Variants in ARPC4 observed in about 807,000 individuals in gnomAD.
ARPC4 encodes actin related protein 2/3 complex subunit 4, also known as actin-related protein 2/3 complex subunit 4.
ARPC4 carries 3 observed loss-of-function variants against 22.8 expected under a neutral mutation model. That is an observed-to-expected ratio of 0.13 (90% CI 0.06 to 0.34). ARPC4 has a LOEUF of 0.34. Among genes scored for constraint, ARPC4 ranks in the 10% least tolerant of loss-of-function variants. The pLI is 1.00. For synonymous variants in ARPC4, 80 were observed against 72.5 expected (o/e 1.10, Z -0.52); for missense variants, 98 against 211.0 (o/e 0.46, Z 3.32).
rs761763539 is a variant in ARPC4 at position 9,801,764 on chromosome 3, C to A, written c.330+8C>A. On this transcript the variant is annotated splice_region_variant and intron_variant, in intron 4 of 5. Transcript: ENST00000397261. ...CGAAGGAAGCCTGTGGAGGTGAGACCCTGTGACCCATGAGTTTGCGATACC... is the reference window on the plus strand; with the variant it reads ...CGAAGGAAGCCTGTGGAGGTGAGACACTGTGACCCATGAGTTTGCGATACC... The A allele has an allele frequency of 1.3e-6, 2 of 1,592,088 alleles. No homozygotes were observed. The highest frequency in any genetic ancestry group is 1.7e-6 in the Non-Finnish European group (2 of 1,166,146).
intron 3 of ARPC4, among the ~76,000 whole-genome samples, chr3:9,801,449 C>G (rs1216825406): frequency 6.6e-6 from 1 of 152,102 alleles, no homozygotes; most frequent in Non-Finnish European, 1.5e-5. Flanking sequence ...TCAGAATTAC[C>G]TCTCTGGAAT....
intron 4 of ARPC4, 58 bp downstream of exon 4, chr3:9,801,814 G>A: frequency 6.7e-7 from 1 of 1,494,496 alleles, no homozygotes. Context: ...AGAATGGCCT[G>A]GGATTGTTTC....
At position 9,800,436 on chromosome 3, in the gene ARPC4, T is replaced by C. The variant is rs1575328762; in HGVS notation, c.234+140T>C. On this transcript the variant is annotated intron_variant, in intron 3 of 5. Coordinates refer to ENST00000397261, the MANE Select transcript of ARPC4 (RefSeq NM_005718.5). ...AGGAAACCTAGCCTCTGCTTCCTTT[T>C]TTTTTGACACGGATTCTCACTCTTG... 4 of 755,784 alleles carry C rather than the reference T, an allele frequency of 5.3e-6. No individual in the cohort carries two copies. The East Asian group carries it at 1.1e-4, about 21-fold the overall frequency. The allele number at this position is 755,784 out of a possible 1,614,324, so 46.8% of individuals were successfully genotyped here. A position where few individuals can be genotyped will look rare whatever the true frequency, so the allele number is the denominator to read the frequency against.
intron 1 of ARPC4, among the ~76,000 whole-genome samples, chr3:9,796,484 G>A (rs1292708701): frequency 2.0e-5 from 3 of 152,160 alleles, no homozygotes; most frequent in African/African-American, 7.2e-5. Context: ...CTCTCAAGAG[G>A]CCTTCCTTAA....
upstream of ARPC4, chr3:9,792,615 AGCCCCGGGGCACAGCCCGG>A: frequency 1.6e-6 from 2 of 1,230,692 alleles, no homozygotes; most frequent in Non-Finnish European, 2.0e-6. Context: ...GCCTCAGGCG[AGCCCCGGGGCACAGCCCGG>A]GGCGGGAGGC....
At chr3:9,795,931 A>G (rs563570576) in intron 1 of ARPC4, among the ~76,000 whole-genome samples, 10 of 152,248 alleles carry the variant, frequency 6.6e-5, no homozygotes, top group Admixed American at 2.6e-4. Context: ...CCCCATCTCT[A>G]CTAAAAATAC....
At chr3:9,794,108 T>TC (rs2078823756) in intron 1 of ARPC4, among the ~76,000 whole-genome samples, 1 of 152,182 alleles carries the variant, frequency 6.6e-6, no homozygotes. Context: ...TTTTAAAAGT[T>TC]CAAGTTTATT....
intron 1 of ARPC4, among the ~76,000 whole-genome samples, chr3:9,796,381 C>T (rs976342714): frequency 1.7e-4 from 26 of 152,170 alleles, no homozygotes; most frequent in Middle Eastern, 3.4e-3. Flanking sequence ...GTGACAGAAG[C>T]GAGACTCCCT....
intron 4 of ARPC4, among the ~76,000 whole-genome samples, chr3:9,802,776 T>G (rs2079039590): frequency 6.7e-6 from 1 of 149,568 alleles, no homozygotes; most frequent in Admixed American, 6.7e-5. Context: ...CCAGGTCAAG[T>G]GATTCTCCTG....
chr3:9,802,236 T>TCCTGCCTCAG (rs1559729245), intron 4 of ARPC4, among the ~76,000 whole-genome samples: 1 of 22,578 alleles, frequency 4.4e-5, no homozygotes, highest in East Asian at 8.9e-4. Context: ...AGACTCCGTC[T>TCCTGCCTCAG]CAAAAAAAAA....
upstream of ARPC4, chr3:9,792,677 T>C (rs542532291): frequency 3.2e-6 from 4 of 1,233,066 alleles, no homozygotes; most frequent in South Asian, 1.6e-4. Flanking sequence ...CGCGCTGCAG[T>C]TAGCCCCGCC....
Position 9,806,454 on chromosome 3 carries a change from A to G in ARPC4, c.*239A>G. The G allele has an allele frequency of 1.7e-6, 1 of 583,468 alleles. No individual in the cohort carries two copies. Among genetic ancestry groups the G allele is most frequent in the Non-Finnish European group, 3.1e-6 (1 of 326,176 alleles). The allele number at this position is 583,468 out of a possible 1,614,324, so 36.1% of individuals were successfully genotyped here. On this transcript the variant is annotated 3_prime_UTR_variant, in exon 6 of 6. Transcript: ENST00000397261. Reference sequence around the variant, plus strand: ...GATGTTCAGTCCCCTGGGCCGGGACAGATTTTTTTTAACGTCTTGAAACTT... The same window carrying G: ...GATGTTCAGTCCCCTGGGCCGGGACGGATTTTTTTTAACGTCTTGAAACTT...
chr3:9,806,355 G>T lies in ARPC4; in HGVS notation c.*140G>T. On this transcript the variant is annotated 3_prime_UTR_variant, in exon 6 of 6. Transcript: ENST00000397261. ...GCATTTGATGCGGGAGGTGGGTGGT[G>T]TGCTTGCTAGCTGGGCAAGAAAGCA... 1 of 971,110 alleles carries T rather than the reference G, an allele frequency of 1.0e-6. No individual in the cohort carries two copies. Among genetic ancestry groups the T allele is most frequent in the Non-Finnish European group, 1.7e-6 (1 of 603,136 alleles). The allele number at this position is 971,110 out of a possible 1,614,324, so 60.2% of individuals were successfully genotyped here. A position where few individuals can be genotyped will look rare whatever the true frequency, so the allele number is the denominator to read the frequency against.
rs185187381 is a variant in ARPC4 at position 9,797,593 on chromosome 3, T to A, written c.4-66T>A. The A allele has an allele frequency of 6.2e-5, 97 of 1,553,732 alleles. No homozygotes were observed. In the East Asian group the frequency reaches 2.1e-3, roughly 34 times the overall value. Reference sequence around the variant, plus strand: ...CTACCTGGCTTCATGGGAGCTGGAATAGGGGATCGGTGGGTTTGGCGTGAC... The same window carrying A: ...CTACCTGGCTTCATGGGAGCTGGAAAAGGGGATCGGTGGGTTTGGCGTGAC... On this transcript the variant is annotated intron_variant, in intron 1 of 5. Transcript: ENST00000397261.
chr3:9,803,187 G>A (rs2079049017), intron 4 of ARPC4, among the ~76,000 whole-genome samples: 1 of 152,128 alleles, frequency 6.6e-6, no homozygotes, highest in Admixed American at 6.6e-5. Context: ...CCGGCCCACT[G>A]AATCAGTCTC....
In ARPC4 at chr3:9,797,652, C is replaced by A. The variant is rs41278551; in HGVS notation, c.4-7C>A. 2.5e-3 allele frequency: 4,092 copies of A among 1,612,866 alleles called. 12 individuals carry two copies. Among genetic ancestry groups the A allele is most frequent in the Non-Finnish European group, 2.7e-3 (3,137 of 1,179,194 alleles). The stretch of plus-strand genomic sequence containing the variant: ...ATCTTCCCTTTCCTCTGTGTTATTT[C>A]CTATAGACTGCCACTCTCCGCCCCT... On this transcript the variant is annotated splice_polypyrimidine_tract_variant and splice_region_variant and intron_variant, in intron 1 of 5. Coordinates refer to ENST00000397261, the MANE Select transcript of ARPC4 (RefSeq NM_005718.5).
At chr3:9,792,569 C>T, upstream of ARPC4, 2 of 1,228,892 alleles carry the variant, frequency 1.6e-6, no homozygotes, top group Non-Finnish European at 2.0e-6. Context: ...AGGTGGGCCT[C>T]GAGCAAAGCC....
intron 1 of ARPC4, among the ~76,000 whole-genome samples, chr3:9,795,617 T>C (rs1304298260): frequency 6.6e-6 from 1 of 152,252 alleles, no homozygotes; most frequent in African/African-American, 2.4e-5. Flanking sequence ...TCTGGAACTC[T>C]TGCTGTCCTT....
chr3:9,798,088 A>T, intron 2 of ARPC4: 1 of 218,472 alleles, frequency 4.6e-6, no homozygotes, highest in Non-Finnish European at 8.9e-6. Context: ...TGGTCAGATA[A>T]TTGTTATCTG....
Sources: gnomAD v4.1 joint callset for allele counts (sites outside exome capture counted in the v4.1 genomes callset) on GRCh38, gnomAD v4.1.1 for gene constraint, MANE v1.5 for transcripts, NCBI Gene and HGNC (gene_info 2026-07-23, HGNC 2026-07-21) for gene names.